Variants in FSTL5 observed in about 807,000 individuals in gnomAD.
FSTL5 encodes the protein follistatin-related protein 5.
FSTL5 carries 62 observed loss-of-function variants against 89.1 expected under a neutral mutation model. That is an observed-to-expected ratio of 0.70 (90% confidence interval 0.57 to 0.86). The LOEUF (loss-of-function observed/expected upper bound fraction) is 0.86, where lower values mean the gene tolerates loss of function less well. Among genes scored for constraint, FSTL5 ranks in the 40% least tolerant of loss-of-function variants. FSTL5 has a pLI of 0.00. For missense variants in FSTL5, 1,057 were observed against 1,001.6 expected (o/e 1.06, Z -0.75); for synonymous variants, 383 against 346.2 (o/e 1.11, Z -1.18).
intron 3 of FSTL5, among the ~76,000 whole-genome samples, chr4:161,983,412 T>C (rs913071807): frequency 6.6e-6 from 1 of 152,176 alleles, no homozygotes; most frequent in Non-Finnish European, 1.5e-5. Context: ...GTTATGTAGT[T>C]AGTTTAGACT....
intron 6 of FSTL5, among the ~76,000 whole-genome samples, chr4:161,696,014 T>C (rs763108541): frequency 6.6e-6 from 1 of 152,340 alleles, no homozygotes; most frequent in East Asian, 1.9e-4. Flanking sequence ...TTTGGGTTCT[T>C]CGTCATGAAA....
intron 7 of FSTL5, among the ~76,000 whole-genome samples, chr4:161,646,131 G>A (rs1736145512): frequency 6.8e-6 from 1 of 147,774 alleles, no homozygotes; most frequent in Non-Finnish European, 1.5e-5. Context: ...ATAGCCTAAG[G>A]GGCAAAAACC....
intron 15 of FSTL5, chr4:161,386,755 C>T (rs1730664956): frequency 6.6e-6 from 2 of 304,790 alleles, no homozygotes; most frequent in South Asian, 4.1e-5. Flanking sequence ...AAGAAGTATA[C>T]ATTATTCTGT....
intron 3 of FSTL5, among the ~76,000 whole-genome samples, chr4:161,973,011 A>G (rs898124205): frequency 6.6e-6 from 1 of 152,118 alleles, no homozygotes; most frequent in Non-Finnish European, 1.5e-5. Context: ...GATTCTTAGG[A>G]ATTGGTATTT....
chr4:161,467,299 GA>G (rs951991575), intron 13 of FSTL5, among the ~76,000 whole-genome samples: 2 of 151,858 alleles, frequency 1.3e-5, no homozygotes, highest in South Asian at 2.1e-4. Flanking sequence ...ACTCAGATTA[GA>G]AAAAATAGGT....
intron 8 of FSTL5, among the ~76,000 whole-genome samples, chr4:161,583,772 A>G (rs1010813438): frequency 6.6e-6 from 1 of 152,112 alleles, no homozygotes; most frequent in Admixed American, 6.6e-5. Flanking sequence ...TTTTTTAGAA[A>G]CTGAAATTGC....
intron 2 of FSTL5, among the ~76,000 whole-genome samples, chr4:162,091,277 T>C (rs889061987): frequency 3.3e-5 from 5 of 152,172 alleles, no homozygotes; most frequent in Non-Finnish European, 4.4e-5. Context: ...TCCTGACTAA[T>C]TACTGTATAC....
At chr4:161,444,130 A>G (rs1236488876) in intron 15 of FSTL5, among the ~76,000 whole-genome samples, 7 of 151,986 alleles carry the variant, frequency 4.6e-5, no homozygotes, top group Admixed American at 2.6e-4. Flanking sequence ...TGAACAGAGT[A>G]GAGAACCGTA....
chr4:161,930,020 ATAATAG>A (rs1734244059), intron 3 of FSTL5, among the ~76,000 whole-genome samples: 1 of 151,810 alleles, frequency 6.6e-6, no homozygotes, highest in Non-Finnish European at 1.5e-5. Flanking sequence ...AGCCATATTT[ATAATAG>A]TTGCCTTAAC....
intron 13 of FSTL5, among the ~76,000 whole-genome samples, chr4:161,465,295 T>C (rs1257652536): frequency 6.6e-6 from 1 of 152,136 alleles, no homozygotes; most frequent in African/African-American, 2.4e-5. Context: ...AGACCATTGG[T>C]GTGCACATTT....
intron 3 of FSTL5, among the ~76,000 whole-genome samples, chr4:161,950,124 G>A (rs1187409785): frequency 1.3e-5 from 2 of 152,080 alleles, no homozygotes; most frequent in Non-Finnish European, 2.9e-5. Flanking sequence ...GTTCTGAGCT[G>A]GACTACTGAT....
At chr4:161,992,888 ATATATATATG>A (rs1736163463) in intron 3 of FSTL5, among the ~76,000 whole-genome samples, 1 of 18,582 alleles carries the variant, frequency 5.4e-5, no homozygotes, top group Non-Finnish European at 1.5e-4. Flanking sequence ...ATATATATAT[ATATATATATG>A]TGTGTGTATA....
At chr4:161,933,512 G>C (rs1329546678) in intron 3 of FSTL5, among the ~76,000 whole-genome samples, 1 of 151,690 alleles carries the variant, frequency 6.6e-6, no homozygotes, top group Non-Finnish European at 1.5e-5. Flanking sequence ...GTTGTCACAT[G>C]AGAGATACAG....
At chr4:161,759,882 G>T (rs749137521) in intron 5 of FSTL5, among the ~76,000 whole-genome samples, 5 of 151,680 alleles carry the variant, frequency 3.3e-5, no homozygotes, top group Non-Finnish European at 5.9e-5. Flanking sequence ...CATGAAAATT[G>T]CCTCCTGTGT....
At chr4:162,018,630 C>T (rs6824038) in intron 3 of FSTL5, among the ~76,000 whole-genome samples, 38,368 of 136,044 alleles carry the variant, frequency 0.28, 5,438 homozygotes, top group Non-Finnish European at 0.33. Context: ...GTTTTGTGTC[C>T]GATAGCTTTA....
rs546663874 is a variant in FSTL5, at chr4:161,724,018, C to T, written c.727+35393G>A. ...AGAATAAAAAGGTAAAATGACAGTA[C>T]AACCAGATGAGATTAAAATGAATAA... On this transcript the variant is annotated intron_variant, in intron 6 of 15. Transcript: ENST00000306100. Among the ~76,000 whole-genome samples, 4 of 152,024 alleles carry T rather than the reference C, an allele frequency of 2.6e-5. No homozygotes were observed. The South Asian group carries it at 6.2e-4, about 24-fold the overall frequency.
chr4:161,887,139 C>T (rs1181266863), intron 4 of FSTL5, among the ~76,000 whole-genome samples: 1 of 152,056 alleles, frequency 6.6e-6, no homozygotes, highest in Non-Finnish European at 1.5e-5. Flanking sequence ...GTATTTTAAA[C>T]TAAATTAATG....
At chr4:161,478,599 G>A (rs946703309) in intron 13 of FSTL5, among the ~76,000 whole-genome samples, 2 of 140,662 alleles carry the variant, frequency 1.4e-5, no homozygotes, top group African/African-American at 2.5e-5. Context: ...CAAAATCACC[G>A]ATTTTTTTTT....
chr4:162,157,632 T>C (rs1035227725), intron 1 of FSTL5, among the ~76,000 whole-genome samples: 2 of 152,142 alleles, frequency 1.3e-5, no homozygotes, highest in Admixed American at 1.3e-4. Flanking sequence ...AAACATTGAT[T>C]ATTGTTAACC....
Sources: allele counts gnomAD v4.1 joint callset (sites outside exome capture counted in the v4.1 genomes callset), GRCh38; gene constraint gnomAD v4.1.1; transcripts MANE v1.5; gene names NCBI Gene and HGNC (gene_info 2026-07-23, HGNC 2026-07-21).